SNTG1: variants seen among roughly 807,000 people sequenced by gnomAD.
SNTG1 encodes the protein syntrophin gamma 1.
A neutral mutation model predicts 74.7 loss-of-function variants in SNTG1; 39 were observed. The ratio of observed to expected loss-of-function variants is 0.52; its 90% CI spans 0.40 to 0.68. SNTG1 has a LOEUF of 0.68. SNTG1 is among the 30% of genes least tolerant of loss of function. The pLI is 0.00. For missense variants in SNTG1, 685 were observed against 609.5 expected (o/e 1.12, Z -1.30); for synonymous variants, 254 against 217.1 (o/e 1.17, Z -1.49).
At chr8:50,057,463 G>T (rs370818814) in intron 1 of SNTG1, among the ~76,000 whole-genome samples, 44 of 151,974 alleles carry the variant, frequency 2.9e-4, no homozygotes, top group African/African-American at 9.2e-4. Context: ...AAATGCCACA[G>T]TGGAGCAGAA....
At chr8:50,790,215 T>C (rs879879710) in intron 18 of SNTG1, among the ~76,000 whole-genome samples, 4 of 151,998 alleles carry the variant, frequency 2.6e-5, no homozygotes, top group Non-Finnish European at 4.4e-5. Flanking sequence ...CTCCTGTCAC[T>C]GGAAAGTAAC....
At chr8:50,733,372 A>T (rs1252783527) in intron 17 of SNTG1, among the ~76,000 whole-genome samples, 1 of 152,064 alleles carries the variant, frequency 6.6e-6, no homozygotes, top group Middle Eastern at 3.2e-3. Context: ...TGCAATTGTG[A>T]ATAGTGCAGC....
intron 1 of SNTG1, among the ~76,000 whole-genome samples, chr8:50,005,955 CTTTTTTTTTTTTT>C (rs57041850): frequency 4.5e-5 from 4 of 89,398 alleles, no homozygotes; most frequent in South Asian, 3.9e-4. Context: ...ATTACTTGCA[CTTTTTTTTTTTTT>C]TTTTTTTTTT....
At chr8:50,042,958 A>G (rs1818771302) in intron 1 of SNTG1, among the ~76,000 whole-genome samples, 1 of 152,152 alleles carries the variant, frequency 6.6e-6, no homozygotes, top group South Asian at 2.1e-4. Context: ...GCTTGTGTCC[A>G]CACAGGCATG....
chr8:50,526,904 G>A (rs1018576799), intron 9 of SNTG1, among the ~76,000 whole-genome samples: 1 of 152,070 alleles, frequency 6.6e-6, no homozygotes, highest in Non-Finnish European at 1.5e-5. Flanking sequence ...TTACAGGCAT[G>A]AGGCACCGCG....
In SNTG1 at chr8:50,739,642, C is replaced by T. The variant is rs562348879; in HGVS notation, c.1285-12359C>T. The stretch of plus-strand genomic sequence containing the variant: ...ATAATGGATTGTTGGGTGCAGCAAA[C>T]CACCATGGCATGTGTATCCCAGAAC... On this transcript the variant is annotated intron_variant, in intron 17 of 18. Transcript: ENST00000642720. 1.4e-3 allele frequency among the ~76,000 whole-genome samples: 218 copies of T among 151,928 alleles called. 1 individual carries two copies. The highest frequency in any genetic ancestry group is 4.9e-3 in the African/African-American group (204 of 41,464).
At chr8:50,154,943 T>C (rs1170129620) in intron 1 of SNTG1, among the ~76,000 whole-genome samples, 1 of 152,250 alleles carries the variant, frequency 6.6e-6, no homozygotes, top group Admixed American at 6.5e-5. Context: ...TTAATGGTTA[T>C]GTAATTTGTT....
rs368624055 is a variant in SNTG1, at chr8:50,715,856, C to T, written c.1284+6878C>T. Among the ~76,000 whole-genome samples the T allele has an allele frequency of 1.5e-4, 23 of 152,248 alleles. No homozygotes were observed. The East Asian group carries it at 2.3e-3, about 15-fold the overall frequency. On this transcript the variant is annotated intron_variant, in intron 17 of 18. Coordinates refer to ENST00000642720, the MANE Select transcript of SNTG1 (RefSeq NM_018967.5). ...TATTTTCCAAAATAATTATGATTTA[C>T]AATTAAATTCACTGTTAACACATTA...
At chr8:50,745,323 G>A (rs1341322802) in intron 17 of SNTG1, among the ~76,000 whole-genome samples, 2 of 152,000 alleles carry the variant, frequency 1.3e-5, no homozygotes, top group Admixed American at 6.6e-5. Context: ...TTAGTGAAAT[G>A]CAAGTCAGAA....
chr8:50,169,616 T>C (rs1467213628), intron 1 of SNTG1, among the ~76,000 whole-genome samples: 1 of 152,244 alleles, frequency 6.6e-6, no homozygotes, highest in Non-Finnish European at 1.5e-5. Context: ...CCCTCCGTTA[T>C]TCTAGTTCCT....
At chr8:50,552,701 AAAT>A (rs771835332) in intron 11 of SNTG1, among the ~76,000 whole-genome samples, 1 of 152,220 alleles carries the variant, frequency 6.6e-6, no homozygotes, top group Non-Finnish European at 1.5e-5. Context: ...ATGGTAGCCA[AAAT>A]AATAAGTAAA....
chr8:50,344,192 A>G (rs2091403559), intron 2 of SNTG1, among the ~76,000 whole-genome samples: 1 of 152,214 alleles, frequency 6.6e-6, no homozygotes, highest in African/African-American at 2.4e-5. Flanking sequence ...TACCATTTTT[A>G]TATATACCTT....
At chr8:50,282,745 G>A (rs2088544528) in intron 2 of SNTG1, among the ~76,000 whole-genome samples, 1 of 151,928 alleles carries the variant, frequency 6.6e-6, no homozygotes, top group Admixed American at 6.6e-5. Context: ...CAGCCTGGGT[G>A]ACAGAAGAGA....
At chr8:49,959,657 A>G (rs1810503629) in intron 1 of SNTG1, among the ~76,000 whole-genome samples, 1 of 152,240 alleles carries the variant, frequency 6.6e-6, no homozygotes, top group Non-Finnish European at 1.5e-5. Context: ...ATAACATTCC[A>G]TTATATGGAA....
At chr8:50,671,712 A>G (rs920822995) in intron 15 of SNTG1, among the ~76,000 whole-genome samples, 3 of 151,730 alleles carry the variant, frequency 2.0e-5, no homozygotes, top group Non-Finnish European at 4.4e-5. Context: ...CCAAAGGACT[A>G]TAAATCATGC....
At chr8:50,600,588 A>G (rs143017986) in intron 13 of SNTG1, among the ~76,000 whole-genome samples, 6 of 152,198 alleles carry the variant, frequency 3.9e-5, no homozygotes, top group African/African-American at 1.4e-4. Flanking sequence ...ATTTTTGCTC[A>G]TAATAGCAAA....
rs577833091 is a variant in SNTG1, at chr8:50,123,858, G to T, written c.-102-48703G>T. On this transcript the variant is annotated intron_variant, in intron 1 of 18. Transcript: ENST00000642720. ...TAAGTGATGTGCCCAAGTCCATACAGGTAGTAAGTAGCAGGGCTTGGAGTC... is the reference window on the plus strand; with the variant it reads ...TAAGTGATGTGCCCAAGTCCATACATGTAGTAAGTAGCAGGGCTTGGAGTC... Among the ~76,000 whole-genome samples the T allele has an allele frequency of 1.1e-4, 16 of 142,450 alleles. 3 individuals are homozygous for T. The highest frequency in any genetic ancestry group is 3.8e-4 in the African/African-American group (15 of 39,450). The allele number at this position is 142,450 out of a possible 152,430, so 93.5% of individuals were successfully genotyped here.
At chr8:49,914,689 G>A (rs111900298) in intron 1 of SNTG1, among the ~76,000 whole-genome samples, 7 of 152,212 alleles carry the variant, frequency 4.6e-5, no homozygotes, top group African/African-American at 1.4e-4. Context: ...TTTCAATCAA[G>A]TTCAAACATT....
At chr8:50,499,670 T>C (rs1052239011) in intron 8 of SNTG1, among the ~76,000 whole-genome samples, 6 of 151,896 alleles carry the variant, frequency 4.0e-5, no homozygotes, top group Admixed American at 6.6e-5. Context: ...TGTAGGTTTT[T>C]TTTTTATAGC....
Sources: gnomAD v4.1 joint callset for allele counts (sites outside exome capture counted in the v4.1 genomes callset) on GRCh38, gnomAD v4.1.1 for gene constraint, MANE v1.5 for transcripts, NCBI Gene and HGNC (gene_info 2026-07-23, HGNC 2026-07-21) for gene names.